PNPLA7: variants seen among roughly 807,000 people sequenced by gnomAD.
PNPLA7 encodes patatin-like phospholipase domain-containing protein 7.
A neutral mutation model predicts 161.7 loss-of-function variants in PNPLA7; 153 were observed. The observed-to-expected ratio is 0.95, with a 90% CI of 0.83 to 1.08. The LOEUF (loss-of-function observed/expected upper bound fraction) is 1.08, where lower values mean the gene tolerates loss of function less well. Among genes scored for constraint, PNPLA7 ranks in the 50% least tolerant of loss-of-function variants. PNPLA7 has a pLI of 0.00. For synonymous variants in PNPLA7, 809 were observed against 782.1 expected (o/e 1.03, Z -0.57); for missense variants, 1,739 against 1,856.6 (o/e 0.94, Z 1.16).
chr9:137,463,152 T>C lies in PNPLA7; in HGVS notation c.3343+263A>G. 3 of 587,728 alleles carry C rather than the reference T, an allele frequency of 5.1e-6. No homozygotes were observed. The South Asian group carries it at 6.2e-5, about 12-fold the overall frequency. 36.4% of individuals were successfully genotyped at this position (587,728 alleles called of 1,614,324 possible). ...GCTTAATTGCTCCCAGTTCCTCGAC[T>C]TGGCCTTTGTTCTGCATGCTGCTGA... On this transcript the variant is annotated intron_variant, in intron 29 of 34. Coordinates refer to ENST00000406427, the MANE Select transcript of PNPLA7 (RefSeq NM_001098537.3).
At position 137,480,406 on chromosome 9, in the gene PNPLA7, T is replaced by C. The variant is rs760392336; in HGVS notation, c.2486A>G (p.Asp829Gly). Residue 829 changes from aspartate (D) to glycine (G), a missense_variant, in exon 23 of 35, where the codon GAT (aspartate) becomes GGT (glycine). Transcript: ENST00000406427. ...DTHRIVLYQA[D>G]GTLTPWTQRC... ...CTGGGTCCAGGGTGTGAGCGTGCCA[T>C]CTGCCTGGTAGAGCACGATCCTGTG... The C allele has an allele frequency of 6.2e-7, 1 of 1,613,390 alleles. No homozygotes were observed. The highest frequency in any genetic ancestry group is 8.5e-7 in the Non-Finnish European group (1 of 1,179,914).
intron 15 of PNPLA7, among the ~76,000 whole-genome samples, chr9:137,501,223 A>G (rs111395271): frequency 0.08 from 12,122 of 152,176 alleles, 633 homozygotes; most frequent in African/African-American, 0.15. Flanking sequence ...GGGGGGTCCC[A>G]TGCCGCCTCG....
intron 25 of PNPLA7, among the ~76,000 whole-genome samples, chr9:137,472,903 C>T (rs935032594): frequency 6.0e-5 from 9 of 151,104 alleles, no homozygotes; most frequent in African/African-American, 7.3e-5. Flanking sequence ...TGCAGTGAGC[C>T]GAGATTGCAC....
At chr9:137,538,981 G>T (rs1836038084) in intron 8 of PNPLA7, among the ~76,000 whole-genome samples, 1 of 152,230 alleles carries the variant, frequency 6.6e-6, no homozygotes, top group African/African-American at 2.4e-5. Context: ...GAACCTGGAA[G>T]ATAGTGGCTG....
At chr9:137,502,393 C>G (rs1288778051) in intron 14 of PNPLA7, among the ~76,000 whole-genome samples, 2 of 151,878 alleles carry the variant, frequency 1.3e-5, no homozygotes, top group East Asian at 2.0e-4. Context: ...TTAAACTTCC[C>G]AAACCCTGAC....
In PNPLA7 at chr9:137,545,543, G is replaced by A. The variant is rs548676839; in HGVS notation, c.273+1287C>T. 1.1e-4 allele frequency among the ~76,000 whole-genome samples: 17 copies of A among 152,320 alleles called. No individual in the cohort carries two copies. In the East Asian group the frequency reaches 2.5e-3, roughly 22 times the overall value. ...CTTTGTGAGCGGCAAGCGACTGAGG[G>A]CATGAGCTGTTCCAGTATAATAAAA... On this transcript the variant is annotated intron_variant, in intron 4 of 34. Transcript: ENST00000406427.
chr9:137,550,190 T>A lies in PNPLA7; in HGVS notation c.8A>T (p.Glu3Val). The change falls in exon 1 of 35, where the codon GAA (glutamate) becomes GTA (valine). Residue 3 changes from glutamate (E) to valine (V), a missense_variant. Around this residue, in one of 6 missense-constraint regions of PNPLA7, gnomAD observed 209 missense variants for 252.8 expected, o/e 0.83. Coordinates refer to ENST00000406427, the MANE Select transcript of PNPLA7 (RefSeq NM_001098537.3). ...TACCTGTGGGCTGTCATCTTTCTCT[T>A]CCTCCATGGCCAGAAACAGAAAAAA... ME[E>V]EKDDSPQADF... 1 of 1,612,912 alleles carries A rather than the reference T, an allele frequency of 6.2e-7. No individual in the cohort carries two copies. The highest frequency in any genetic ancestry group is 8.5e-7 in the Non-Finnish European group (1 of 1,179,806).
intron 30 of PNPLA7, 157 bp from the exon 31 acceptor site, chr9:137,462,488 G>T: frequency 7.2e-7 from 1 of 1,394,806 alleles, no homozygotes; most frequent in Non-Finnish European, 9.5e-7. Flanking sequence ...CTCCCTGCGG[G>T]CTGCCACAGC....
At chr9:137,505,561 A>C in intron 14 of PNPLA7, 53 bp downstream of exon 14, 2 of 1,600,070 alleles carry the variant, frequency 1.2e-6, no homozygotes, top group South Asian at 2.2e-5. Context: ...GGCAGAGAGG[A>C]GGCCACGGGC....
intron 9 of PNPLA7, among the ~76,000 whole-genome samples, chr9:137,522,514 A>T (rs1219862679): frequency 1.3e-5 from 2 of 152,226 alleles, no homozygotes; most frequent in African/African-American, 4.8e-5. Context: ...TATAACCTTC[A>T]TTATTCCCGA....
In PNPLA7 at chr9:137,468,648, T is replaced by C. The variant is rs1424454640; in HGVS notation, c.2883-1175A>G. Among the ~76,000 whole-genome samples, 2 of 151,736 alleles carry C rather than the reference T, an allele frequency of 1.3e-5. No homozygotes were observed. Among genetic ancestry groups the C allele is most frequent in the Admixed American group, 6.6e-5 (1 of 15,226 alleles). On this transcript the variant is annotated intron_variant, in intron 25 of 34. Transcript: ENST00000406427. This position sits in a 1 kb window ranked among gnomAD's most constrained non-coding sequence, Gnocchi z 4.0. ...GACCCGGTGGGAGGTAACTGGATCA[T>C]GGGGGCAGATTTGAGGTGGGAAGAC...
intron 11 of PNPLA7, among the ~76,000 whole-genome samples, chr9:137,518,961 CACT>C: frequency 7.4e-6 from 1 of 135,736 alleles, no homozygotes; most frequent in African/African-American, 2.8e-5. Flanking sequence ...CTCACTCACT[CACT>C]CCACCCTATC....
In PNPLA7 at chr9:137,543,510, A is replaced by G; in HGVS notation, c.428T>C (p.Leu143Pro). The change falls in exon 6 of 35, where the codon CTG becomes CCG. Residue 143 changes from leucine (L) to proline (P), a missense_variant. Physicochemically the swap from Leu to Pro is moderately conservative, Grantham distance 98. Coordinates refer to ENST00000406427, the MANE Select transcript of PNPLA7 (RefSeq NM_001098537.3). The surrounding 1 kb of genome is among the most constrained non-coding windows in gnomAD (Gnocchi z 6.9). The part of the protein sequence containing the change: ...LQPKEPPPSL[L>P]EADLTEFDVK... Reference sequence around the variant, plus strand: ...GTCAAACTCCGTGAGGTCGGCCTCCAGCAGGGAGGGCGGGGGCTCCTTGGG... The same window carrying G: ...GTCAAACTCCGTGAGGTCGGCCTCCGGCAGGGAGGGCGGGGGCTCCTTGGG... 6.2e-7 allele frequency: 1 copy of G among 1,614,090 alleles called. No individual in the cohort carries two copies. The highest frequency in any genetic ancestry group is 8.5e-7 in the Non-Finnish European group (1 of 1,180,022).
Position 137,490,405 on chromosome 9 carries a change from T to C in PNPLA7, c.2197+2608A>G, listed in dbSNP as rs917749785. ...ACACTGTGCCTGGTCAAAACATTCT[T>C]GAACACAGCTAGAGAGAAATGATGC... On this transcript the variant is annotated intron_variant, in intron 20 of 34. Transcript: ENST00000406427. This position sits in a 1 kb window ranked among gnomAD's most constrained non-coding sequence, Gnocchi z 4.1. Among the ~76,000 whole-genome samples, 1 of 152,218 alleles carries C rather than the reference T, an allele frequency of 6.6e-6. No homozygotes were observed. Among genetic ancestry groups the C allele is most frequent in the African/African-American group, 2.4e-5 (1 of 41,456 alleles).
chr9:137,550,246 G>C lies in PNPLA7; in HGVS notation c.-49C>G. On this transcript the variant is annotated 5_prime_UTR_variant, in exon 1 of 35. Coordinates refer to ENST00000406427, the MANE Select transcript of PNPLA7 (RefSeq NM_001098537.3). ...AGGGGCGAAAAGCAGACAGCCTGAA[G>C]CAAACAAGGGCACACCTCTACCCGC... The C allele has an allele frequency of 6.2e-7, 1 of 1,605,780 alleles. No individual in the cohort carries two copies. The highest frequency in any genetic ancestry group is 1.7e-4 in the Middle Eastern group (1 of 6,050).
intron 11 of PNPLA7, among the ~76,000 whole-genome samples, chr9:137,518,767 T>C (rs1262303751): frequency 5.6e-5 from 2 of 35,492 alleles, no homozygotes; most frequent in African/African-American, 3.1e-4. Flanking sequence ...CTCACTCCAC[T>C]CTGTCCACTC....
At chr9:137,505,824 G>A (rs1224105297) in intron 13 of PNPLA7, 64 bp from the exon 14 acceptor site, 11 of 1,591,582 alleles carry the variant, frequency 6.9e-6, no homozygotes, top group Admixed American at 5.0e-5. Context: ...GCACAAGGGT[G>A]TGGTCAGGTC....
intron 4 of PNPLA7, among the ~76,000 whole-genome samples, chr9:137,544,246 A>G (rs752686526): frequency 2.0e-4 from 30 of 152,034 alleles, no homozygotes; most frequent in African/African-American, 2.7e-4. Flanking sequence ...TATCTGGAAC[A>G]GTCTTCCTCC....
chr9:137,463,418 G>T lies in PNPLA7; in HGVS notation c.3340C>A (p.Pro1114Thr). The T allele has an allele frequency of 6.2e-7, 1 of 1,602,280 alleles. No homozygotes were observed. Among genetic ancestry groups the T allele is most frequent in the African/African-American group, 1.3e-5 (1 of 74,894 alleles). ...LMDGGYINNLPADVARSMGAK... is the reference protein window; with the variant it reads ...LMDGGYINNLTADVARSMGAK... Reference sequence around the variant, plus strand: ...CGTGGTCCCCCCACCGCAGTACCTGGGAGGTTGTTGATGTAGCCCCCGTCC... The same window carrying T: ...CGTGGTCCCCCCACCGCAGTACCTGTGAGGTTGTTGATGTAGCCCCCGTCC... The change falls in exon 29 of 35, where the codon CCA becomes ACA. Residue 1114 changes from proline (P) to threonine (T), a missense_variant. Physicochemically the swap from Pro to Thr is conservative, Grantham distance 38. Around this residue, in one of 6 missense-constraint regions of PNPLA7, gnomAD observed 703 missense variants for 694.6 expected, o/e 1.01. Coordinates refer to ENST00000406427, the MANE Select transcript of PNPLA7 (RefSeq NM_001098537.3).
Sources: allele counts gnomAD v4.1 joint callset (sites outside exome capture counted in the v4.1 genomes callset), GRCh38; gene constraint gnomAD v4.1.1; regional missense constraint gnomAD v4.1.1; non-coding constraint Gnocchi (gnomAD v3.1); transcripts MANE v1.5; gene names NCBI Gene and HGNC (gene_info 2026-07-23, HGNC 2026-07-21).